The following JAKMIP2 variants were observed in gnomAD, a reference collection of about 807,000 sequenced individuals.
The protein encoded by JAKMIP2 is janus kinase and microtubule interacting protein 2.
Under a neutral mutation model 115.0 loss-of-function variants are expected in JAKMIP2, and 25 were observed. The ratio of observed to expected loss-of-function variants is 0.22; its 90% CI spans 0.16 to 0.30. The LOEUF (loss-of-function observed/expected upper bound fraction) is 0.30, where lower values mean the gene tolerates loss of function less well. JAKMIP2 is among the 10% of genes least tolerant of loss of function. JAKMIP2 has a pLI of 1.00. For synonymous variants in JAKMIP2, 334 were observed against 343.6 expected, an observed-to-expected ratio of 0.97 and a Z score of 0.31; for missense variants, 642 against 957.6, an observed-to-expected ratio of 0.67 and a Z score of 4.35.
intron 9 of JAKMIP2, among the ~76,000 whole-genome samples, chr5:147,640,332 TAG>T (rs1323900242): frequency 6.6e-6 from 1 of 152,162 alleles, no homozygotes; most frequent in Admixed American, 6.5e-5. Context: ...CTGAGCCCTC[TAG>T]ATCATTCTGA....
intron 1 of JAKMIP2, among the ~76,000 whole-genome samples, chr5:147,688,259 C>T (rs1023777366): frequency 1.1e-4 from 17 of 152,252 alleles, no homozygotes; most frequent in Non-Finnish European, 7.4e-5. Flanking sequence ...TTGAATTAAT[C>T]GCTTAGGGCT....
At chr5:147,725,084 G>T (rs1394606843) in intron 1 of JAKMIP2, among the ~76,000 whole-genome samples, 1 of 152,062 alleles carries the variant, frequency 6.6e-6, no homozygotes, top group Non-Finnish European at 1.5e-5. Flanking sequence ...GTGACCTCTG[G>T]TTGTCCTCAT....
intron 1 of JAKMIP2, among the ~76,000 whole-genome samples, chr5:147,689,221 A>C (rs1347141): frequency 0.67 from 101,409 of 151,970 alleles, 36,111 homozygotes; most frequent in African/African-American, 0.91. Flanking sequence ...CAGCAGCCAA[A>C]GAGAGGGCAG....
rs1755074529 is a variant in JAKMIP2 at position 147,590,962 on chromosome 5, G to GT, written c.*744dup. On this transcript the variant is annotated 3_prime_UTR_variant, in exon 22 of 22. Coordinates refer to ENST00000616793, the MANE Select transcript of JAKMIP2 (RefSeq NM_001270941.2). ...GTCCTTTGACTTCGTTACCAGTTTT[G>GT]TTGTGGTCACTGTGATCCACTTCTC... The GT allele has an allele frequency of 6.6e-6, 1 of 152,470 alleles. No homozygotes were observed. Among genetic ancestry groups the GT allele is most frequent in the African/African-American group, 2.4e-5 (1 of 41,426 alleles). 9.4% of individuals were successfully genotyped at this position (152,470 alleles called of 1,614,324 possible).
intron 12 of JAKMIP2, among the ~76,000 whole-genome samples, chr5:147,635,824 T>C (rs1757585534): frequency 6.6e-6 from 1 of 152,136 alleles, no homozygotes; most frequent in African/African-American, 2.4e-5. Context: ...GCCTCCCAAA[T>C]TACTGGGATT....
chr5:147,705,568 CAA>C lies in JAKMIP2; in HGVS notation c.-148-33616_-148-33615del, dbSNP rs199915059. On this transcript the variant is annotated intron_variant, in intron 1 of 21. Coordinates refer to ENST00000616793, the MANE Select transcript of JAKMIP2 (RefSeq NM_001270941.2). ...CTGGGTGACAGAGTGAGACCTGTCT[CAA>C]AAAAAAAAAGTCTGAGGTCCTGTGT... 5.1e-3 allele frequency among the ~76,000 whole-genome samples: 739 copies of C among 144,222 alleles called. 14 individuals carry two copies. The highest frequency in any genetic ancestry group is 0.017 in the African/African-American group (655 of 39,470). 94.6% of individuals were successfully genotyped at this position (144,222 alleles called of 152,430 possible).
rs776298131 is a variant in JAKMIP2, at chr5:147,671,741, G to A, written c.66C>T (p.Ala22=). The change falls in exon 2 of 22, where the codon GCC becomes GCT. Residue 22 remains alanine, a synonymous_variant. Coordinates refer to ENST00000616793, the MANE Select transcript of JAKMIP2 (RefSeq NM_001270941.2). The part of the protein sequence containing the change: ...PEALIVALQA[A]NEDLRTKLTD... ...TGAGCTTGGTCCTGAGGTCTTCATT[G>A]GCAGCTTGAAGGGCAACAATGAGTG... The A allele has an allele frequency of 6.3e-7, 1 of 1,591,534 alleles. No homozygotes were observed. The highest frequency in any genetic ancestry group is 1.7e-5 in the Admixed American group (1 of 57,302).
intron 18 of JAKMIP2, among the ~76,000 whole-genome samples, chr5:147,619,819 C>T (rs183574818): frequency 1.3e-5 from 2 of 152,314 alleles, no homozygotes; most frequent in African/African-American, 4.8e-5. Context: ...GATCTACACA[C>T]TACCTATTTA....
chr5:147,773,983 T>C (rs1755462361), intron 1 of JAKMIP2, among the ~76,000 whole-genome samples: 1 of 152,164 alleles, frequency 6.6e-6, no homozygotes, highest in Non-Finnish European at 1.5e-5. Flanking sequence ...TTGCTAAACA[T>C]TTTAAGCATC....
chr5:147,621,865 T>C (rs1756865618), intron 17 of JAKMIP2, among the ~76,000 whole-genome samples: 1 of 152,098 alleles, frequency 6.6e-6, no homozygotes, highest in African/African-American at 2.4e-5. Flanking sequence ...AATCTTGTTA[T>C]AAATTTCTGT....
chr5:147,707,805 GTCT>G (rs1434955386), intron 1 of JAKMIP2, among the ~76,000 whole-genome samples: 4 of 152,178 alleles, frequency 2.6e-5, no homozygotes. Context: ...TAAGTACAGA[GTCT>G]TCTTAGCAAA....
chr5:147,753,305 A>G (rs1215617735), intron 1 of JAKMIP2, among the ~76,000 whole-genome samples: 1 of 152,232 alleles, frequency 6.6e-6, no homozygotes. Context: ...AATCTTTTCA[A>G]GAGTTCCTCA....
intron 2 of JAKMIP2, among the ~76,000 whole-genome samples, chr5:147,670,190 G>C (rs1464910738): frequency 6.6e-6 from 1 of 152,128 alleles, no homozygotes; most frequent in Non-Finnish European, 1.5e-5. Context: ...GCTAAGGCAG[G>C]GAGCAAGAGG....
At chr5:147,607,602 C>T (rs538962119) in intron 20 of JAKMIP2, among the ~76,000 whole-genome samples, 42 of 152,274 alleles carry the variant, frequency 2.8e-4, no homozygotes, top group African/African-American at 9.1e-4. Flanking sequence ...ATTGTCACAA[C>T]GATGCTCATC....
chr5:147,611,526 C>T (rs1280827144), intron 20 of JAKMIP2, among the ~76,000 whole-genome samples: 1 of 152,202 alleles, frequency 6.6e-6, no homozygotes, highest in Non-Finnish European at 1.5e-5. Flanking sequence ...CATTGTCTAA[C>T]CAGTCCCAAT....
chr5:147,640,414 T>C (rs1757826572), intron 9 of JAKMIP2, among the ~76,000 whole-genome samples: 1 of 152,176 alleles, frequency 6.6e-6, no homozygotes, highest in South Asian at 2.1e-4. Context: ...CTAAGGCCTC[T>C]TGGGTTCCTA....
At chr5:147,596,938 C>G (rs796910495) in intron 21 of JAKMIP2, among the ~76,000 whole-genome samples, 20 of 152,222 alleles carry the variant, frequency 1.3e-4, no homozygotes, top group African/African-American at 4.8e-4. Flanking sequence ...GTGGTACAAT[C>G]TTGGCTCACT....
chr5:147,646,943 T>A (rs1347137), intron 5 of JAKMIP2, among the ~76,000 whole-genome samples: 27,679 of 151,622 alleles, frequency 0.18, 4,767 homozygotes, highest in East Asian at 0.46. Flanking sequence ...AGACAAATCT[T>A]TTGGGAGAAC....
chr5:147,690,464 C>A (rs1376853948), intron 1 of JAKMIP2, among the ~76,000 whole-genome samples: 1 of 149,404 alleles, frequency 6.7e-6, no homozygotes, highest in Non-Finnish European at 1.5e-5. Flanking sequence ...GCTAGTTGCA[C>A]CTCAAAACAT....
Sources: gnomAD v4.1 joint callset for allele counts (sites outside exome capture counted in the v4.1 genomes callset) on GRCh38, gnomAD v4.1.1 for gene constraint, MANE v1.5 for transcripts, NCBI Gene and HGNC (gene_info 2026-07-23, HGNC 2026-07-21) for gene names.